Variants in SLC24A2 observed in about 807,000 individuals in gnomAD.
SLC24A2 encodes solute carrier family 24 member 2.
A neutral mutation model predicts 62.0 loss-of-function variants in SLC24A2; 36 were observed. The observed-to-expected ratio is 0.58, with a 90% confidence interval of 0.44 to 0.77. The LOEUF is 0.77. Ranked by LOEUF, SLC24A2 falls within the 30% of genes least tolerant of loss-of-function variation. The pLI is 0.00. For synonymous variants in SLC24A2, 358 were observed against 294.0 expected, an observed-to-expected ratio of 1.22 and a Z score of -2.23; for missense variants, 846 against 817.9, an observed-to-expected ratio of 1.03 and a Z score of -0.42.
chr9:20,160,724 C>G, the SLC24A2 span, among the ~76,000 whole-genome samples: 1 of 150,688 alleles, frequency 6.6e-6, no homozygotes, highest in African/African-American at 2.4e-5. Flanking sequence ...TGATAAAAAC[C>G]TACGTATTAG....
chr9:20,079,402 C>A, the SLC24A2 span, among the ~76,000 whole-genome samples: 95 of 152,224 alleles, frequency 6.2e-4, 1 homozygote, highest in East Asian at 0.017. Flanking sequence ...ACTTTTCTTG[C>A]AATTTTCTGT....
At chr9:19,587,132 A>G (rs2132876432) in intron 5 of SLC24A2, among the ~76,000 whole-genome samples, 1 of 152,304 alleles carries the variant, frequency 6.6e-6, no homozygotes. Flanking sequence ...TTGTGACATT[A>G]TTCATTTGGG....
chr9:19,729,179 A>G (rs2118696860), intron 2 of SLC24A2, among the ~76,000 whole-genome samples: 1 of 152,318 alleles, frequency 6.6e-6, no homozygotes, highest in South Asian at 2.1e-4. Flanking sequence ...CAAAACCACA[A>G]GGAAGTATCA....
the SLC24A2 span, among the ~76,000 whole-genome samples, chr9:20,027,777 T>C: frequency 2.0e-5 from 3 of 152,170 alleles, no homozygotes; most frequent in African/African-American, 4.8e-5. Flanking sequence ...ATGGTATTCT[T>C]GAAAATATGC....
chr9:19,564,288 C>G (rs143744252), intron 7 of SLC24A2, among the ~76,000 whole-genome samples: 181 of 152,284 alleles, frequency 1.2e-3, no homozygotes, highest in African/African-American at 4.0e-3. Context: ...CCTACTCATT[C>G]TTCACTTAGT....
chr9:20,200,022 C>G, the SLC24A2 span, among the ~76,000 whole-genome samples: 1 of 151,690 alleles, frequency 6.6e-6, no homozygotes, highest in South Asian at 2.1e-4. Flanking sequence ...TGAGACACCG[C>G]GACCAGCTGA....
At chr9:19,975,629 G>T in the SLC24A2 span, among the ~76,000 whole-genome samples, 3 of 152,242 alleles carry the variant, frequency 2.0e-5, no homozygotes, top group East Asian at 1.9e-4. Context: ...CAAAACAGAT[G>T]ATTCATTTAT....
At chr9:20,274,317 TG>T in the SLC24A2 span, among the ~76,000 whole-genome samples, 1 of 152,064 alleles carries the variant, frequency 6.6e-6, no homozygotes, top group Non-Finnish European at 1.5e-5. Flanking sequence ...TGTGGTTATG[TG>T]GGGGAAGAGG....
the SLC24A2 span, among the ~76,000 whole-genome samples, chr9:20,091,151 A>C: frequency 1.7e-3 from 254 of 152,232 alleles, no homozygotes; most frequent in African/African-American, 5.2e-3. Flanking sequence ...AAAAAAGAAA[A>C]AGAAAAAAAA....
intron 2 of SLC24A2, among the ~76,000 whole-genome samples, chr9:19,779,816 T>C (rs977177417): frequency 2.6e-5 from 4 of 152,154 alleles, no homozygotes; most frequent in African/African-American, 9.7e-5. Flanking sequence ...TCCGAGCATT[T>C]TGGGAGGCCG....
At chr9:20,070,474 T>G in the SLC24A2 span, among the ~76,000 whole-genome samples, 1 of 152,240 alleles carries the variant, frequency 6.6e-6, no homozygotes, top group African/African-American at 2.4e-5. Context: ...GCCATCATTG[T>G]TCATACGATT....
the SLC24A2 span, among the ~76,000 whole-genome samples, chr9:20,200,467 C>G: frequency 1.3e-5 from 2 of 152,358 alleles, no homozygotes; most frequent in East Asian, 3.9e-4. Flanking sequence ...CCGCTAAACC[C>G]ACACTAAATG....
chr9:19,713,247 C>T (rs192438861), intron 2 of SLC24A2, among the ~76,000 whole-genome samples: 184 of 152,130 alleles, frequency 1.2e-3, no homozygotes, highest in African/African-American at 4.3e-3. Context: ...GAAGTACCTG[C>T]GCCATTTGTA....
chr9:20,100,816 G>A, the SLC24A2 span, among the ~76,000 whole-genome samples: 1 of 152,032 alleles, frequency 6.6e-6, no homozygotes, highest in Non-Finnish European at 1.5e-5. Flanking sequence ...ATAGCTTCTG[G>A]TTTTTTGTTT....
chr9:19,990,510 A>C, the SLC24A2 span, among the ~76,000 whole-genome samples: 78,766 of 151,086 alleles, frequency 0.52, 21,263 homozygotes, highest in African/African-American at 0.57. Flanking sequence ...ACTTGGGAGG[A>C]TGAGGCAGGG....
At chr9:19,525,870 A>ATTTAGCCAT in intron 9 of SLC24A2, among the ~76,000 whole-genome samples, 1 of 150,716 alleles carries the variant, frequency 6.6e-6, no homozygotes, top group East Asian at 2.0e-4. Context: ...ATACCATAAA[A>ATTTAGCCAT]TTTAGCCATT....
chr9:19,745,113 G>A (rs1821794529), intron 2 of SLC24A2, among the ~76,000 whole-genome samples: 1 of 152,074 alleles, frequency 6.6e-6, no homozygotes, highest in Non-Finnish European at 1.5e-5. Flanking sequence ...TTCTTGCACT[G>A]AGTTCATGTG....
At chr9:19,911,822 A>G in the SLC24A2 span, among the ~76,000 whole-genome samples, 2 of 152,100 alleles carry the variant, frequency 1.3e-5, no homozygotes, top group Admixed American at 1.3e-4. Flanking sequence ...ACTTGTCTAG[A>G]TCTTATCTCA....
At chr9:20,217,257 C>A in the SLC24A2 span, among the ~76,000 whole-genome samples, 1 of 152,118 alleles carries the variant, frequency 6.6e-6, no homozygotes, top group Non-Finnish European at 1.5e-5. Context: ...AAATTTAAAA[C>A]CAGGCAAAAC....
Sources: gnomAD v4.1 joint callset for allele counts (sites outside exome capture counted in the v4.1 genomes callset) on GRCh38, gnomAD v4.1.1 for gene constraint, MANE v1.5 for transcripts, NCBI Gene and HGNC (gene_info 2026-07-23, HGNC 2026-07-21) for gene names.